Variants in RBFOX2 observed in about 807,000 individuals in gnomAD.
RBFOX2 encodes RNA binding fox-1 homolog 2.
Under a neutral mutation model 49.1 loss-of-function variants are expected in RBFOX2, and 10 were observed. That is an observed-to-expected ratio of 0.20 (90% CI 0.13 to 0.35). The LOEUF (loss-of-function observed/expected upper bound fraction) is 0.35, where lower values mean the gene tolerates loss of function less well. RBFOX2 is among the 10% of genes least tolerant of loss of function. The probability of loss-of-function intolerance (pLI) is 1.00; values close to 1 mark genes in which losing one functional copy is unlikely to be tolerated. For synonymous variants in RBFOX2, 183 were observed against 187.4 expected (o/e 0.98, Z 0.19); for missense variants, 323 against 486.9 (o/e 0.66, Z 3.17).
At position 35,749,493 on chromosome 22, in the gene RBFOX2, CCT is replaced by C. The variant is rs369419620; in HGVS notation, c.888-2934_888-2933del. 1.7e-4 allele frequency among the ~76,000 whole-genome samples: 25 copies of C among 150,570 alleles called. No individual in the cohort carries two copies. In the East Asian group the frequency reaches 2.3e-3, roughly 14 times the overall value. On this transcript the variant is annotated intron_variant, in intron 9 of 11. Transcript: ENST00000405409. This position sits in a 1 kb window ranked among gnomAD's most constrained non-coding sequence, Gnocchi z 4.1. ...ATTAATTGTGTATCATGGATGTATTCCTCTCTCTCTCTCTTACACACACACAC... is the reference window on the plus strand; with the variant it reads ...ATTAATTGTGTATCATGGATGTATTCCTCTCTCTCTCTTACACACACACAC...
chr22:35,755,266 G>A (rs534649799), intron 9 of RBFOX2, among the ~76,000 whole-genome samples: 1 of 152,308 alleles, frequency 6.6e-6, no homozygotes, highest in African/African-American at 2.4e-5. Flanking sequence ...CATCTGGAGA[G>A]GTCATGATAA....
chr22:35,997,422 A>T (rs2058237711), intron 1 of RBFOX2: 1 of 152,264 alleles, frequency 6.6e-6, no homozygotes. Context: ...AAAGTAAGGT[A>T]CAAAGGTTCA....
At chr22:35,852,783 C>T (rs941706030) in intron 1 of RBFOX2, among the ~76,000 whole-genome samples, 8 of 151,970 alleles carry the variant, frequency 5.3e-5, no homozygotes, top group African/African-American at 1.9e-4. Context: ...AAGAGTTAAC[C>T]CAGTTCAATA....
At position 35,988,749 on chromosome 22, in the gene RBFOX2, A is replaced by G. The variant is rs548237926; in HGVS notation, c.186+39491T>C. On this transcript the variant is annotated intron_variant, in intron 1 of 13. Transcript: ENST00000438146. Reference sequence around the variant, plus strand: ...AGTTGTTTCAGAAGGATCACTCTGAAAAAAATTACTGCAACGCAATGATGT... The same window carrying G: ...AGTTGTTTCAGAAGGATCACTCTGAGAAAAATTACTGCAACGCAATGATGT... Among the ~76,000 whole-genome samples the G allele has an allele frequency of 1.5e-3, 230 of 152,324 alleles. 3 individuals are homozygous for G. Among genetic ancestry groups the G allele is most frequent in the African/African-American group, 4.8e-3 (200 of 41,570 alleles).
At chr22:35,821,963 G>A (rs761888292) in intron 1 of RBFOX2, 1 of 518,954 alleles carries the variant, frequency 1.9e-6, no homozygotes, top group South Asian at 1.4e-5. Context: ...AAAGGACAGA[G>A]AAGCAATAGC....
chr22:35,872,306 G>C (rs1042031318), intron 1 of RBFOX2, among the ~76,000 whole-genome samples: 1 of 152,146 alleles, frequency 6.6e-6, no homozygotes, highest in African/African-American at 2.4e-5. Context: ...CAGTGTCTAG[G>C]GGTGAGAGTT....
chr22:35,791,148 G>T (rs1346116094), intron 2 of RBFOX2, among the ~76,000 whole-genome samples: 1 of 152,116 alleles, frequency 6.6e-6, no homozygotes, highest in Non-Finnish European at 1.5e-5. Context: ...ACTTTGGGAG[G>T]CCGAGGTGGG....
At chr22:35,945,744 G>A (rs1174540950) in intron 1 of RBFOX2, among the ~76,000 whole-genome samples, 2 of 152,132 alleles carry the variant, frequency 1.3e-5, no homozygotes, top group African/African-American at 4.8e-5. Context: ...GCCTCAAGAA[G>A]AGAAATTGCT....
At chr22:35,983,100 G>A (rs2057540017) in intron 1 of RBFOX2, among the ~76,000 whole-genome samples, 1 of 152,196 alleles carries the variant, frequency 6.6e-6, no homozygotes, top group Admixed American at 6.5e-5. Context: ...CTGCTGGCAA[G>A]ATAAGCAATT....
At chr22:35,756,407 T>A (rs566008854) in intron 9 of RBFOX2, among the ~76,000 whole-genome samples, 1 of 152,256 alleles carries the variant, frequency 6.6e-6, no homozygotes, top group South Asian at 2.1e-4. Flanking sequence ...TAAAGTAGGA[T>A]TCACACAATA....
At chr22:35,923,559 G>A (rs1175009867) in intron 1 of RBFOX2, among the ~76,000 whole-genome samples, 1 of 152,002 alleles carries the variant, frequency 6.6e-6, no homozygotes, top group African/African-American at 2.4e-5. Flanking sequence ...TTTTCTAGGA[G>A]GACCATTCCA....
At chr22:35,809,946 G>A (rs776475134) in exon 2 of RBFOX2, 3 of 1,614,150 alleles carry the variant, frequency 1.9e-6, no homozygotes, top group Admixed American at 3.3e-5. Flanking sequence ...TGGTGGAAAT[G>A]GGATGGTAGT....
chr22:35,781,459 G>A (rs192471511), intron 3 of RBFOX2, 141 bp downstream of exon 4: 2 of 1,145,720 alleles, frequency 1.7e-6, no homozygotes, highest in African/African-American at 1.6e-5. Flanking sequence ...GGCTTCTAAA[G>A]ACTGATGAAA....
Position 35,759,941 on chromosome 22 carries a change from T to C in RBFOX2, c.834A>G (p.Thr278=). The C allele has an allele frequency of 1.9e-6, 3 of 1,613,816 alleles. No homozygotes were observed. Among genetic ancestry groups the C allele is most frequent in the Non-Finnish European group, 2.5e-6 (3 of 1,180,032 alleles). ...GTACCGCTCGGACTGCACCATATAC[T>C]GTCCGCCCTCTGCCCCTCAAATGGG... The change falls in exon 9 of 12, where the codon ACA becomes ACG. Residue 278 remains threonine (T), a synonymous_variant. Coordinates refer to ENST00000405409, the Ensembl canonical transcript of RBFOX2. The surrounding 1 kb of genome is among the most constrained non-coding windows in gnomAD (Gnocchi z 4.6).
chr22:35,818,603 G>T (rs929093993), intron 1 of RBFOX2, among the ~76,000 whole-genome samples: 1 of 152,072 alleles, frequency 6.6e-6, no homozygotes, highest in Non-Finnish European at 1.5e-5. Flanking sequence ...GGGCAACATA[G>T]CGAGACCCTA....
chr22:35,971,714 CG>C (rs1012360444), intron 1 of RBFOX2, among the ~76,000 whole-genome samples: 15 of 152,112 alleles, frequency 9.9e-5, no homozygotes, highest in Admixed American at 5.2e-4. Context: ...CAACATGAGA[CG>C]GTTGCTCTTG....
At chr22:35,764,300 C>G (rs1448621342) in intron 6 of RBFOX2, among the ~76,000 whole-genome samples, 2 of 151,904 alleles carry the variant, frequency 1.3e-5, no homozygotes, top group African/African-American at 4.8e-5. Context: ...AAAAAAACAG[C>G]AGAGCCAGGC....
At chr22:35,932,886 A>G (rs1203812861) in intron 1 of RBFOX2, among the ~76,000 whole-genome samples, 2 of 152,210 alleles carry the variant, frequency 1.3e-5, no homozygotes, top group Non-Finnish European at 2.9e-5. Context: ...AATTGACAAC[A>G]TGACATTTTT....
At chr22:35,961,514 G>T in intron 1 of RBFOX2, 1 of 1,300,620 alleles carries the variant, frequency 7.7e-7, no homozygotes, top group Non-Finnish European at 1.0e-6. Context: ...CAATTCCCCT[G>T]CACAAACTCC....
Sources: gnomAD v4.1 joint callset for allele counts (sites outside exome capture counted in the v4.1 genomes callset) on GRCh38, gnomAD v4.1.1 for gene constraint, Gnocchi (gnomAD v3.1) non-coding constraint, MANE v1.5 for transcripts, NCBI Gene and HGNC (gene_info 2026-07-23, HGNC 2026-07-21) for gene names.